Variants in CDC42BPB observed in about 807,000 individuals in gnomAD.
CDC42BPB encodes the protein CDC42 binding protein kinase beta.
CDC42BPB carries 37 observed loss-of-function variants against 214.9 expected under a neutral mutation model. The observed-to-expected ratio is 0.17, with a 90% CI of 0.13 to 0.23. CDC42BPB has a LOEUF of 0.23. CDC42BPB is among the 10% of genes least tolerant of loss of function. CDC42BPB has a pLI of 1.00. For synonymous variants in CDC42BPB, 931 were observed against 884.0 expected, an observed-to-expected ratio of 1.05 and a Z score of -0.94; for missense variants, 1,694 against 2,227.0, an observed-to-expected ratio of 0.76 and a Z score of 4.82.
At chr14:103,045,253 G>C (rs1262191329) in intron 1 of CDC42BPB, among the ~76,000 whole-genome samples, 1 of 152,166 alleles carries the variant, frequency 6.6e-6, no homozygotes, top group Non-Finnish European at 1.5e-5. Context: ...TATGTTTTTA[G>C]AGAATGATGA....
At chr14:102,981,152 T>C in intron 7 of CDC42BPB, 131 bp from the exon 8 acceptor site, 1 of 1,468,030 alleles carries the variant, frequency 6.8e-7, no homozygotes, top group Admixed American at 2.7e-5. Context: ...CTAAATGCAA[T>C]CCAAAGCTAA....
At chr14:102,956,558 G>A (rs1033053749) in intron 21 of CDC42BPB, 2 of 245,038 alleles carry the variant, frequency 8.2e-6, no homozygotes, top group Non-Finnish European at 1.3e-5. Context: ...GGCCAGGCAC[G>A]GTGGCTCATG....
intron 21 of CDC42BPB, among the ~76,000 whole-genome samples, chr14:102,955,629 C>T (rs1892676393): frequency 6.6e-6 from 1 of 152,172 alleles, no homozygotes. Context: ...GAAGCTAAAG[C>T]TACACTCTGA....
chr14:102,963,017 A>G lies in CDC42BPB; in HGVS notation c.2821+44T>C, dbSNP rs34375090. 93 of 903,072 alleles carry G rather than the reference A, an allele frequency of 1.0e-4. No individual in the cohort carries two copies. The African/African-American group carries it at 1.4e-3, about 13-fold the overall frequency. The allele number at this position is 903,072 out of a possible 1,614,324, so 55.9% of individuals were successfully genotyped here. On this transcript the variant is annotated intron_variant, in intron 20 of 36. Coordinates refer to ENST00000361246, the MANE Select transcript of CDC42BPB (RefSeq NM_006035.4). ...GAAAATAAAAACATTCATTTGAAAA[A>G]TACTTATATTCAAATAATGCAGAAT...
chr14:103,033,252 C>G (rs746209324), intron 1 of CDC42BPB, among the ~76,000 whole-genome samples: 3 of 151,990 alleles, frequency 2.0e-5, no homozygotes, highest in Non-Finnish European at 4.4e-5. Flanking sequence ...GACGGAGTAT[C>G]GCTCTGTCAC....
At chr14:103,030,172 G>C (rs1249217466) in intron 1 of CDC42BPB, among the ~76,000 whole-genome samples, 1 of 152,250 alleles carries the variant, frequency 6.6e-6, no homozygotes. Flanking sequence ...TGCCCGACAG[G>C]AGTGACCAGT....
chr14:102,954,224 G>C lies in CDC42BPB; in HGVS notation c.3040C>G (p.Gln1014Glu). The change falls in exon 23 of 37, where the codon CAG (glutamine) becomes GAG (glutamate). Residue 1014 changes from glutamine (Q) to glutamate (E), a missense_variant. This residue lies in a region of CDC42BPB where 156 missense variants were observed against 154.5 expected (regional missense o/e 1.01). Transcript: ENST00000361246. ...TTCGGTCCAGCCAGAGCCAGGGCCT[G>C]CGTGGTGGGCAACGGCACAGCGGAT... ...RPSAVPLPTT[Q>E]ALALAGPKPK... 6.5e-7 allele frequency: 1 copy of C among 1,548,022 alleles called. No individual in the cohort carries two copies. Among genetic ancestry groups the C allele is most frequent in the Non-Finnish European group, 8.7e-7 (1 of 1,146,334 alleles).
At chr14:103,005,066 G>C (rs1052102568) in intron 3 of CDC42BPB, among the ~76,000 whole-genome samples, 3 of 151,868 alleles carry the variant, frequency 2.0e-5, no homozygotes, top group African/African-American at 7.3e-5. Context: ...TACTCGGGAG[G>C]CTGAGGCAGG....
Position 102,968,668 on chromosome 14 carries a change from C to T in CDC42BPB, c.2044G>A (p.Glu682Lys), listed in dbSNP as rs542009619. 3 of 1,614,210 alleles carry T rather than the reference C, an allele frequency of 1.9e-6. No homozygotes were observed. Among genetic ancestry groups the T allele is most frequent in the Admixed American group, 3.3e-5 (2 of 60,038 alleles). The change falls in exon 15 of 37, where the codon GAG becomes AAG. Residue 682 changes from glutamate (E) to lysine (K), a missense_variant. Coordinates refer to ENST00000361246, the MANE Select transcript of CDC42BPB (RefSeq NM_006035.4). ...AGCTCGGATTTGATTTTGGAAATCT[C>T]TTGCTGGTGCTCTAAGGTGGCACCC... ...GAGATLEHQQ[E>K]ISKIKSELEK...
At chr14:102,947,999 C>A in intron 26 of CDC42BPB, 197 bp from the exon 27 acceptor site, 2 of 981,942 alleles carry the variant, frequency 2.0e-6, no homozygotes, top group East Asian at 1.2e-4. Context: ...TGTTTCAGGG[C>A]TTAGGGATGC....
intron 24 of CDC42BPB, among the ~76,000 whole-genome samples, chr14:102,951,827 G>A (rs991380581): frequency 1.3e-5 from 2 of 152,070 alleles, no homozygotes; most frequent in Non-Finnish European, 2.9e-5. Context: ...TACGAATGAC[G>A]ACCAGAAGCA....
Position 102,933,786 on chromosome 14 carries a change from G to A in CDC42BPB, c.5062C>T (p.Pro1688Ser). The A allele has an allele frequency of 1.3e-6, 2 of 1,502,188 alleles. No individual in the cohort carries two copies. The allele number at this position is 1,502,188 out of a possible 1,614,324, so 93.1% of individuals were successfully genotyped here. Reference protein sequence around the residue: ...TPSNSSNPSGPPSPNSPHRSQ... With the variant: ...TPSNSSNPSGSPSPNSPHRSQ... ...CTGTGGGGGGAGTTGGGGCTCGGTG[G>A]GCCGCTGGGGTTGGAGCTATTCGAT... Residue 1688 changes from proline to serine, a missense_variant, in exon 37 of 37, where the codon CCA (proline) becomes TCA (serine). Physicochemically the swap from Pro to Ser is moderately conservative, Grantham distance 74. Around this residue, in one of 7 missense-constraint regions of CDC42BPB, gnomAD observed 146 missense variants for 134.1 expected, o/e 1.09. Coordinates refer to ENST00000361246, the MANE Select transcript of CDC42BPB (RefSeq NM_006035.4).
At chr14:103,042,049 A>G (rs188400923) in intron 1 of CDC42BPB, 1 of 207,268 alleles carries the variant, frequency 4.8e-6, no homozygotes, top group Admixed American at 5.4e-5. Flanking sequence ...CATACCGGCA[A>G]AGAGACAAGG....
chr14:103,056,665 G>C (rs1270314657), intron 1 of CDC42BPB, among the ~76,000 whole-genome samples: 2 of 147,240 alleles, frequency 1.4e-5, no homozygotes, highest in African/African-American at 5.1e-5. Context: ...CAGGGCGAGG[G>C]CCCGGCGGGG....
At chr14:103,040,148 C>T (rs1329584363) in intron 1 of CDC42BPB, among the ~76,000 whole-genome samples, 1 of 152,044 alleles carries the variant, frequency 6.6e-6, no homozygotes, top group Non-Finnish European at 1.5e-5. Context: ...TGAGGTCAAG[C>T]GTTCGAGACC....
At chr14:102,950,042 AGGC>A in intron 25 of CDC42BPB, 138 bp from the exon 26 acceptor site, 1 of 1,483,876 alleles carries the variant, frequency 6.7e-7, no homozygotes, top group Non-Finnish European at 8.9e-7. Flanking sequence ...TTGCCCAAGA[AGGC>A]TCAAGGCGTT....
chr14:102,970,312 C>A (rs768702888), intron 13 of CDC42BPB, 51 bp from the exon 14 acceptor site: 2 of 1,560,398 alleles, frequency 1.3e-6, no homozygotes, highest in Non-Finnish European at 1.7e-6. Context: ...CCCTGCTTCA[C>A]CAGTTACAGC....
rs1480011161 is a variant in CDC42BPB at position 102,944,423 on chromosome 14, G to A, written c.3876C>T (p.Ile1292=). The A allele has an allele frequency of 1.2e-6, 2 of 1,612,934 alleles. No individual in the cohort carries two copies. The highest frequency in any genetic ancestry group is 1.7e-6 in the Non-Finnish European group (2 of 1,180,008). ...GGTTCCGGCCACAGAGGAGGATTAC[G>A]ATCTTCTCCCTGGGAGCAAGCTCGA... The part of the protein sequence containing the change: ...HQIELAPREK[I]VILLCGRNHH... The change falls in exon 30 of 37, where the codon ATC becomes ATT. Residue 1292 remains isoleucine (I), a synonymous_variant. Transcript: ENST00000361246. The surrounding 1 kb of genome is among the most constrained non-coding windows in gnomAD (Gnocchi z 6.6).
At chr14:103,011,443 C>T (rs1047901515) in intron 2 of CDC42BPB, among the ~76,000 whole-genome samples, 4 of 152,172 alleles carry the variant, frequency 2.6e-5, no homozygotes, top group African/African-American at 4.8e-5. Flanking sequence ...TTAGAAACTA[C>T]GTCAGAAGGC....
Sources: allele counts gnomAD v4.1 joint callset (sites outside exome capture counted in the v4.1 genomes callset), GRCh38; gene constraint gnomAD v4.1.1; regional missense constraint gnomAD v4.1.1; non-coding constraint Gnocchi (gnomAD v3.1); transcripts MANE v1.5; gene names NCBI Gene and HGNC (gene_info 2026-07-23, HGNC 2026-07-21).